The following NTRK2 variants were observed in gnomAD, a reference collection of about 807,000 sequenced individuals.
NTRK2 encodes the protein BDNF/NT-3 growth factors receptor.
NTRK2 carries 13 observed loss-of-function variants against 94.5 expected under a neutral mutation model. The ratio of observed to expected loss-of-function variants is 0.14; its 90% CI spans 0.09 to 0.22. NTRK2 has a LOEUF of 0.22. Ranked by LOEUF, NTRK2 falls within the 10% of genes least tolerant of loss-of-function variation. NTRK2 has a pLI of 1.00. For synonymous variants in NTRK2, 372 were observed against 407.4 expected (o/e 0.91, Z 1.05); for missense variants, 639 against 1,071.2 (o/e 0.60, Z 5.63).
chr9:84,781,162 T>G (rs371658102), intron 12 of NTRK2, among the ~76,000 whole-genome samples: 2 of 152,204 alleles, frequency 1.3e-5, no homozygotes, highest in East Asian at 3.9e-4. Context: ...CCAAACCTTA[T>G]GTGTACAAAG....
chr9:84,730,577 A>G (rs1437479294), intron 9 of NTRK2, among the ~76,000 whole-genome samples: 1 of 141,354 alleles, frequency 7.1e-6, no homozygotes, highest in Non-Finnish European at 1.5e-5. Flanking sequence ...CGTCTCTACT[A>G]AAAATACAAA....
At chr9:84,888,435 C>G (rs1220262785) in intron 14 of NTRK2, among the ~76,000 whole-genome samples, 9 of 151,006 alleles carry the variant, frequency 6.0e-5, no homozygotes, top group Non-Finnish European at 2.9e-5. Flanking sequence ...ATGGTGAAAC[C>G]CCGTTTCTAC....
intron 17 of NTRK2, among the ~76,000 whole-genome samples, chr9:84,964,465 C>G (rs184369056): frequency 6.6e-6 from 1 of 152,282 alleles, no homozygotes; most frequent in South Asian, 2.1e-4. Context: ...GTTTTTCCTT[C>G]GGCCATGAAT....
chr9:84,904,042 C>CTT (rs563272678), intron 14 of NTRK2, among the ~76,000 whole-genome samples: 383 of 152,302 alleles, frequency 2.5e-3, no homozygotes, highest in African/African-American at 8.8e-3. Flanking sequence ...TTGGCCTCTC[C>CTT]TTTTAAATCC....
At chr9:84,922,172 A>T (rs549180045) in intron 14 of NTRK2, among the ~76,000 whole-genome samples, 1 of 152,294 alleles carries the variant, frequency 6.6e-6, no homozygotes, top group East Asian at 1.9e-4. Flanking sequence ...TAGTTTTCAG[A>T]TTTTGTTCTT....
At chr9:84,843,568 T>A (rs2074303758) in intron 12 of NTRK2, among the ~76,000 whole-genome samples, 1 of 152,104 alleles carries the variant, frequency 6.6e-6, no homozygotes, top group Non-Finnish European at 1.5e-5. Flanking sequence ...GAGGGCAGTG[T>A]TAGAACTCAA....
At chr9:84,986,906 A>G (rs533011100) in intron 17 of NTRK2, among the ~76,000 whole-genome samples, 2 of 152,240 alleles carry the variant, frequency 1.3e-5, no homozygotes, top group African/African-American at 2.4e-5. Flanking sequence ...GAAAACATGC[A>G]AAAGTATCCT....
chr9:84,863,569 A>T (rs1375439095), intron 13 of NTRK2, among the ~76,000 whole-genome samples: 1 of 152,166 alleles, frequency 6.6e-6, no homozygotes, highest in African/African-American at 2.4e-5. Flanking sequence ...ACATCCTGTG[A>T]TATGCACAGA....
chr9:84,914,454 A>G (rs2077335306), intron 14 of NTRK2, among the ~76,000 whole-genome samples: 1 of 152,022 alleles, frequency 6.6e-6, no homozygotes, highest in Admixed American at 6.6e-5. Flanking sequence ...ATGCTATTTA[A>G]ACCTTCTGTT....
chr9:84,956,889 A>G lies in NTRK2; in HGVS notation c.2172+1372A>G, dbSNP rs76526530. Reference sequence around the variant, plus strand: ...TTGGTCACCTTGATAAGCATCATTTACATTTTGTGTGGCAAAAAGGAATAG... The same window carrying G: ...TTGGTCACCTTGATAAGCATCATTTGCATTTTGTGTGGCAAAAAGGAATAG... On this transcript the variant is annotated intron_variant, in intron 17 of 18. Transcript: ENST00000277120. 8.2e-3 allele frequency among the ~76,000 whole-genome samples: 1,247 copies of G among 151,534 alleles called. 9 individuals carry two copies. The highest frequency in any genetic ancestry group is 0.029 in the African/African-American group (1,187 of 41,132).
At chr9:84,681,676 G>A (rs1457413436) in intron 2 of NTRK2, among the ~76,000 whole-genome samples, 1 of 152,030 alleles carries the variant, frequency 6.6e-6, no homozygotes, top group African/African-American at 2.4e-5. Flanking sequence ...TCGCATCCCC[G>A]CCTCCAGTCT....
intron 12 of NTRK2, among the ~76,000 whole-genome samples, chr9:84,754,208 C>T (rs2064879520): frequency 6.6e-6 from 1 of 152,052 alleles, no homozygotes; most frequent in Admixed American, 6.5e-5. Flanking sequence ...CAGTAAATGG[C>T]TTCCTACAGC....
At chr9:84,714,876 G>A (rs1008272819) in intron 6 of NTRK2, among the ~76,000 whole-genome samples, 1 of 152,186 alleles carries the variant, frequency 6.6e-6, no homozygotes, top group East Asian at 1.9e-4. Context: ...CCATGGTCTT[G>A]TGTGTGTCAT....
In NTRK2 at chr9:85,021,592, T is replaced by A; in HGVS notation, c.*155T>A. Reference sequence around the variant, plus strand: ...TCCGAGAAGCTCTCGAGGGAAGCAGTGTGTACTTCTTCATCCATAGACACA... The same window carrying A: ...TCCGAGAAGCTCTCGAGGGAAGCAGAGTGTACTTCTTCATCCATAGACACA... On this transcript the variant is annotated 3_prime_UTR_variant, in exon 19 of 19. Coordinates refer to ENST00000277120, the MANE Select transcript of NTRK2 (RefSeq NM_006180.6). 1 of 740,940 alleles carries A rather than the reference T, an allele frequency of 1.3e-6. No individual in the cohort carries two copies. The highest frequency in any genetic ancestry group is 2.4e-6 in the Non-Finnish European group (1 of 416,568). The allele number at this position is 740,940 out of a possible 1,614,324, so 45.9% of individuals were successfully genotyped here.
intron 12 of NTRK2, among the ~76,000 whole-genome samples, chr9:84,822,113 T>C (rs960425343): frequency 6.6e-6 from 1 of 152,120 alleles, no homozygotes; most frequent in African/African-American, 2.4e-5. Flanking sequence ...TGGAGCAAGA[T>C]AGGTAATGCA....
intron 12 of NTRK2, among the ~76,000 whole-genome samples, chr9:84,801,733 G>C (rs1232516913): frequency 6.6e-6 from 1 of 152,154 alleles, no homozygotes; most frequent in Non-Finnish European, 1.5e-5. Flanking sequence ...GCTCATGATG[G>C]GTTTATTAGG....
At chr9:84,696,663 C>T (rs1199262524) in intron 2 of NTRK2, among the ~76,000 whole-genome samples, 1 of 152,172 alleles carries the variant, frequency 6.6e-6, no homozygotes, top group Non-Finnish European at 1.5e-5. Flanking sequence ...ACAAAGAGTA[C>T]CTCCCATTGC....
chr9:84,945,763 G>A (rs1267441263), intron 15 of NTRK2, among the ~76,000 whole-genome samples: 1 of 152,176 alleles, frequency 6.6e-6, no homozygotes. Context: ...CGGTTTCTAT[G>A]GCAACAGCCC....
At chr9:84,794,302 C>T (rs2069045191) in intron 12 of NTRK2, among the ~76,000 whole-genome samples, 1 of 152,180 alleles carries the variant, frequency 6.6e-6, no homozygotes, top group African/African-American at 2.4e-5. Flanking sequence ...ATGGGGGCAT[C>T]CTTGTCCGTG....
Sources: allele counts gnomAD v4.1 joint callset (sites outside exome capture counted in the v4.1 genomes callset), GRCh38; gene constraint gnomAD v4.1.1; transcripts MANE v1.5; gene names NCBI Gene and HGNC (gene_info 2026-07-23, HGNC 2026-07-21).